Variants in KCND2 observed in about 807,000 individuals in gnomAD.
The protein encoded by KCND2 is potassium voltage-gated channel subfamily D member 2.
KCND2 carries 16 observed loss-of-function variants against 54.4 expected under a neutral mutation model. The observed-to-expected ratio is 0.29, with a 90% confidence interval of 0.20 to 0.45. The LOEUF is 0.45. Among genes scored for constraint, KCND2 ranks in the 20% least tolerant of loss-of-function variants. The pLI, the probability that KCND2 is intolerant of heterozygous loss-of-function variation, is 1.00. For missense variants in KCND2, 486 were observed against 824.2 expected (o/e 0.59, Z 5.02); for synonymous variants, 317 against 310.7 (o/e 1.02, Z -0.21).
chr7:120,548,619 C>A (rs1431982043), intron 1 of KCND2, among the ~76,000 whole-genome samples: 2 of 152,066 alleles, frequency 1.3e-5, no homozygotes, highest in Non-Finnish European at 2.9e-5. Context: ...CAGTACCCAG[C>A]AGTACAATGT....
chr7:120,629,464 C>T (rs62469909), intron 1 of KCND2, among the ~76,000 whole-genome samples: 10 of 150,756 alleles, frequency 6.6e-5, no homozygotes, highest in Non-Finnish European at 1.2e-4. Context: ...CCATCCTGGG[C>T]GACAGAGCGA....
chr7:120,600,200 G>T (rs1792797240), intron 1 of KCND2, among the ~76,000 whole-genome samples: 1 of 151,892 alleles, frequency 6.6e-6, no homozygotes, highest in African/African-American at 2.4e-5. Flanking sequence ...TTTATGGAAT[G>T]AAATCAGACT....
chr7:120,605,741 C>A (rs893338673), intron 1 of KCND2, among the ~76,000 whole-genome samples: 2 of 152,164 alleles, frequency 1.3e-5, no homozygotes, highest in African/African-American at 4.8e-5. Flanking sequence ...TATTATCTAT[C>A]TTTTTGATTA....
chr7:120,396,827 A>G (rs1488814599), intron 1 of KCND2, among the ~76,000 whole-genome samples: 3 of 152,092 alleles, frequency 2.0e-5, no homozygotes, highest in Admixed American at 2.0e-4. Context: ...ATATATTTCC[A>G]CAGAACAGAC....
chr7:120,289,164 A>G (rs1341613248), intron 1 of KCND2, among the ~76,000 whole-genome samples: 1 of 151,998 alleles, frequency 6.6e-6, no homozygotes, highest in African/African-American at 2.4e-5. Context: ...TTACAATGGG[A>G]CAAAGAATAG....
intron 1 of KCND2, among the ~76,000 whole-genome samples, chr7:120,341,409 T>G (rs1192104775): frequency 6.6e-6 from 1 of 152,052 alleles, no homozygotes; most frequent in Non-Finnish European, 1.5e-5. Flanking sequence ...GAAGAAACAG[T>G]GAGTTAGATT....
chr7:120,466,971 TG>T (rs1802380063), intron 1 of KCND2, among the ~76,000 whole-genome samples: 1 of 152,170 alleles, frequency 6.6e-6, no homozygotes, highest in South Asian at 2.1e-4. Context: ...CATATGTCTT[TG>T]TCTTTCTTGC....
At position 120,591,196 on chromosome 7, in the gene KCND2, C is replaced by A. The variant is rs146446143; in HGVS notation, c.1116-141707C>A. ...TACATAATTTGAATTAGAAATGAAACAAGTTTTTACAAATTTGGTGAATGC... is the reference window on the plus strand; with the variant it reads ...TACATAATTTGAATTAGAAATGAAAAAAGTTTTTACAAATTTGGTGAATGC... On this transcript the variant is annotated intron_variant, in intron 1 of 5. Transcript: ENST00000331113. 3.3e-4 allele frequency among the ~76,000 whole-genome samples: 50 copies of A among 152,156 alleles called. 1 individual carries two copies. The highest frequency in any genetic ancestry group is 3.2e-3 in the Admixed American group (49 of 15,278).
intron 1 of KCND2, among the ~76,000 whole-genome samples, chr7:120,498,892 T>C (rs1403398005): frequency 6.6e-6 from 1 of 152,120 alleles, no homozygotes; most frequent in Non-Finnish European, 1.5e-5. Flanking sequence ...CTGACTGATA[T>C]ATACAATTTT....
chr7:120,714,546 C>T (rs1351127967), intron 1 of KCND2, among the ~76,000 whole-genome samples: 1 of 152,070 alleles, frequency 6.6e-6, no homozygotes. Context: ...AATAAAACAT[C>T]AGCACTATTC....
chr7:120,507,802 T>G (rs1237580632), intron 1 of KCND2, among the ~76,000 whole-genome samples: 1 of 151,902 alleles, frequency 6.6e-6, no homozygotes, highest in East Asian at 1.9e-4. Flanking sequence ...TTGCTTACAC[T>G]AAAACCTGAT....
At chr7:120,658,518 A>C (rs1340160412) in intron 1 of KCND2, among the ~76,000 whole-genome samples, 2 of 152,194 alleles carry the variant, frequency 1.3e-5, no homozygotes, top group Admixed American at 6.5e-5. Context: ...GTTTGTTTTC[A>C]ATATTATTCT....
At chr7:120,731,086 C>A (rs1010988403) in intron 1 of KCND2, among the ~76,000 whole-genome samples, 5 of 152,108 alleles carry the variant, frequency 3.3e-5, no homozygotes, top group African/African-American at 1.2e-4. Flanking sequence ...CTCCTTGTCC[C>A]CCGCCCCAGG....
intron 1 of KCND2, among the ~76,000 whole-genome samples, chr7:120,424,434 A>C (rs1265640003): frequency 6.6e-6 from 1 of 152,214 alleles, no homozygotes; most frequent in Non-Finnish European, 1.5e-5. Context: ...TACAATTTGC[A>C]ACAACTAATT....
chr7:120,507,694 C>T (rs1178521048), intron 1 of KCND2, among the ~76,000 whole-genome samples: 1 of 151,866 alleles, frequency 6.6e-6, no homozygotes, highest in Non-Finnish European at 1.5e-5. Context: ...CCTATACCCT[C>T]AGGCTCCTAG....
At chr7:120,434,450 C>T (rs1801838201) in intron 1 of KCND2, among the ~76,000 whole-genome samples, 1 of 152,210 alleles carries the variant, frequency 6.6e-6, no homozygotes. Flanking sequence ...TAAGAATCCA[C>T]TCTTGACCCC....
intron 1 of KCND2, among the ~76,000 whole-genome samples, chr7:120,504,931 T>C (rs1026952327): frequency 6.6e-6 from 1 of 151,642 alleles, no homozygotes; most frequent in African/African-American, 2.4e-5. Context: ...TGTTTGGATA[T>C]TGGATAAGAC....
intron 1 of KCND2, among the ~76,000 whole-genome samples, chr7:120,692,442 A>G (rs777305832): frequency 4.6e-5 from 7 of 152,168 alleles, no homozygotes; most frequent in African/African-American, 7.2e-5. Context: ...GTCATTTACT[A>G]TAATGACAGA....
At chr7:120,450,921 T>C (rs1802096208) in intron 1 of KCND2, among the ~76,000 whole-genome samples, 1 of 152,184 alleles carries the variant, frequency 6.6e-6, no homozygotes, top group African/African-American at 2.4e-5. Flanking sequence ...GAACCTGATG[T>C]CCAATGGCCA....
Sources: gnomAD v4.1 joint callset for allele counts (sites outside exome capture counted in the v4.1 genomes callset) on GRCh38, gnomAD v4.1.1 for gene constraint, MANE v1.5 for transcripts, NCBI Gene and HGNC (gene_info 2026-07-23, HGNC 2026-07-21) for gene names.